KIF13B: variants seen among roughly 807,000 people sequenced by gnomAD.
The protein encoded by KIF13B is kinesin family member 13B, also known as kinesin-like protein KIF13B.
Under a neutral mutation model 222.0 loss-of-function variants are expected in KIF13B, and 127 were observed. The ratio of observed to expected loss-of-function variants is 0.57; its 90% CI spans 0.50 to 0.66. KIF13B has a LOEUF of 0.66. KIF13B is among the 30% of genes least tolerant of loss of function. KIF13B has a pLI of 0.00. For missense variants in KIF13B, 2,173 were observed against 2,379.0 expected (o/e 0.91, Z 1.80); for synonymous variants, 976 against 919.0 (o/e 1.06, Z -1.12).
At chr8:29,143,912 A>C (rs1314967886) in intron 18 of KIF13B, among the ~76,000 whole-genome samples, 1 of 149,698 alleles carries the variant, frequency 6.7e-6, no homozygotes, top group Non-Finnish European at 1.5e-5. Context: ...CCTCCCCCCC[A>C]AAAAAAGTAT....
At chr8:29,126,992 A>T (rs1810141397) in intron 25 of KIF13B, 130 bp downstream of exon 25, 1 of 860,486 alleles carries the variant, frequency 1.2e-6, no homozygotes, top group Non-Finnish European at 1.8e-6. Flanking sequence ...GACACAAAAA[A>T]AGACAGCAAA....
At chr8:29,193,439 G>A (rs1042828086) in intron 3 of KIF13B, among the ~76,000 whole-genome samples, 8 of 152,180 alleles carry the variant, frequency 5.3e-5, no homozygotes, top group Admixed American at 2.6e-4. Context: ...AGCAGAGTAG[G>A]AGTAAATAAA....
intron 23 of KIF13B, among the ~76,000 whole-genome samples, chr8:29,131,668 C>A (rs1241481983): frequency 1.3e-5 from 2 of 152,202 alleles, no homozygotes; most frequent in Non-Finnish European, 2.9e-5. Flanking sequence ...GAGCTAAAGA[C>A]AACACTAGAG....
intron 24 of KIF13B, among the ~76,000 whole-genome samples, chr8:29,127,835 A>C (rs957895674): frequency 6.6e-6 from 1 of 152,126 alleles, no homozygotes; most frequent in African/African-American, 2.4e-5. Flanking sequence ...AAGCACCTTT[A>C]AGAACAAAAA....
chr8:29,155,189 C>T (rs1188818548), intron 14 of KIF13B, among the ~76,000 whole-genome samples: 2 of 152,252 alleles, frequency 1.3e-5, no homozygotes, highest in East Asian at 3.9e-4. Flanking sequence ...CCTCAAGCAG[C>T]TCATGGTCTA....
intron 14 of KIF13B, among the ~76,000 whole-genome samples, chr8:29,153,355 G>T (rs749092320): frequency 6.6e-6 from 1 of 152,132 alleles, no homozygotes; most frequent in South Asian, 2.1e-4. Flanking sequence ...CTATATTAAA[G>T]TCTTCGGTAA....
chr8:29,150,781 T>C (rs1055295144), intron 14 of KIF13B, among the ~76,000 whole-genome samples: 2 of 152,206 alleles, frequency 1.3e-5, no homozygotes, highest in Non-Finnish European at 2.9e-5. Flanking sequence ...ACTGCACCCA[T>C]GTAAAATGGT....
intron 2 of KIF13B, among the ~76,000 whole-genome samples, chr8:29,241,928 T>C (rs1248986986): frequency 2.0e-5 from 3 of 152,146 alleles, no homozygotes; most frequent in African/African-American, 7.2e-5. Flanking sequence ...GTCACTAGCT[T>C]AAACTTTCCA....
At chr8:29,101,212 C>T (rs1808770767) in intron 35 of KIF13B, among the ~76,000 whole-genome samples, 1 of 152,178 alleles carries the variant, frequency 6.6e-6, no homozygotes, top group African/African-American at 2.4e-5. Context: ...CCGGGGATAT[C>T]ACCATCAGGT....
intron 2 of KIF13B, among the ~76,000 whole-genome samples, chr8:29,199,677 A>G (rs1242194764): frequency 6.6e-6 from 1 of 151,786 alleles, no homozygotes; most frequent in Non-Finnish European, 1.5e-5. Flanking sequence ...TGTATCTGGG[A>G]TTCAAAACTA....
chr8:29,187,565 T>C (rs147505231), intron 5 of KIF13B, among the ~76,000 whole-genome samples: 169 of 152,172 alleles, frequency 1.1e-3, no homozygotes, highest in African/African-American at 3.7e-3. Context: ...AAAAGAAATA[T>C]ATATTAAATA....
At chr8:29,190,824 T>TC (rs1297320719) in intron 4 of KIF13B, 173 bp downstream of exon 4, 10 of 653,302 alleles carry the variant, frequency 1.5e-5, no homozygotes, top group African/African-American at 1.3e-4. Flanking sequence ...CAGGGAAAAC[T>TC]CCCCCAACAT....
chr8:29,262,360 CTT>C (rs1816709004), intron 1 of KIF13B, among the ~76,000 whole-genome samples: 1 of 152,244 alleles, frequency 6.6e-6, no homozygotes, highest in South Asian at 2.1e-4. Context: ...AAAACCAAAA[CTT>C]TCTCAACTGT....
intron 18 of KIF13B, among the ~76,000 whole-genome samples, chr8:29,145,245 T>C (rs1010605915): frequency 6.6e-6 from 1 of 152,234 alleles, no homozygotes; most frequent in Non-Finnish European, 1.5e-5. Flanking sequence ...ATATTTACAA[T>C]ACCTTTCTCA....
chr8:29,145,003 C>T (rs1227716528), intron 18 of KIF13B, among the ~76,000 whole-genome samples: 1 of 152,102 alleles, frequency 6.6e-6, no homozygotes. Flanking sequence ...CAGGTTTCTG[C>T]TTTTTTCAAC....
Position 29,067,896 on chromosome 8 carries a change from G to T in KIF13B, c.*2608C>A. The T allele has an allele frequency of 6.5e-6, 1 of 152,714 alleles. No individual in the cohort carries two copies. 9.5% of individuals were successfully genotyped at this position (152,714 alleles called of 1,614,324 possible). On this transcript the variant is annotated 3_prime_UTR_variant, in exon 40 of 40. Transcript: ENST00000524189. ...CCTCCCGCTCCCTCTGGTCAGGCCT[G>T]GGTACCCAGGAACCCAGTCACACAC...
chr8:29,231,805 A>G (rs927457108), intron 2 of KIF13B, among the ~76,000 whole-genome samples: 1 of 152,296 alleles, frequency 6.6e-6, no homozygotes, highest in Admixed American at 6.5e-5. Flanking sequence ...AAATGTACAT[A>G]TATGTGTATA....
At chr8:29,236,396 C>A (rs1258519715) in intron 2 of KIF13B, among the ~76,000 whole-genome samples, 1 of 152,146 alleles carries the variant, frequency 6.6e-6, no homozygotes, top group Non-Finnish European at 1.5e-5. Context: ...GGGTGAGTGA[C>A]AAGAGCATGG....
intron 1 of KIF13B, among the ~76,000 whole-genome samples, chr8:29,254,260 A>C (rs1051826108): frequency 3.3e-5 from 5 of 152,226 alleles, no homozygotes; most frequent in African/African-American, 4.8e-5. Flanking sequence ...GAAAATCCAC[A>C]TGATGTTAGA....
Sources: gnomAD v4.1 joint callset for allele counts (sites outside exome capture counted in the v4.1 genomes callset) on GRCh38, gnomAD v4.1.1 for gene constraint, MANE v1.5 for transcripts, NCBI Gene and HGNC (gene_info 2026-07-23, HGNC 2026-07-21) for gene names.